Variants in PHACTR1 observed in about 807,000 individuals in gnomAD.
PHACTR1 encodes the protein phosphatase and actin regulator 1, also known as RPEL repeat containing 1.
In PHACTR1, 16 loss-of-function variants were observed where a neutral mutation model predicts 69.2. That is an observed-to-expected ratio of 0.23 (90% CI 0.16 to 0.35). PHACTR1 has a LOEUF of 0.35. Among genes scored for constraint, PHACTR1 ranks in the 10% least tolerant of loss-of-function variants. The probability of loss-of-function intolerance (pLI) is 1.00; values close to 1 mark genes in which losing one functional copy is unlikely to be tolerated. For synonymous variants in PHACTR1, 312 were observed against 284.5 expected, an observed-to-expected ratio of 1.10 and a Z score of -0.97; for missense variants, 510 against 734.7, an observed-to-expected ratio of 0.69 and a Z score of 3.54.
intron 3 of PHACTR1, among the ~76,000 whole-genome samples, chr6:12,744,155 T>G (rs1765464969): frequency 6.9e-6 from 1 of 144,500 alleles, no homozygotes. Flanking sequence ...ACAAGTACTG[T>G]GTAGACAAGG....
At chr6:12,718,632 G>A (rs1761698443) in intron 2 of PHACTR1, 67 bp from the exon 3 acceptor site, 4 of 431,492 alleles carry the variant, frequency 9.3e-6, no homozygotes, top group Non-Finnish European at 1.6e-5. Context: ...ACATTTTAAA[G>A]TACATCTATA....
At chr6:13,146,730 C>T (rs760127214) in intron 5 of PHACTR1, among the ~76,000 whole-genome samples, 33 of 152,230 alleles carry the variant, frequency 2.2e-4, no homozygotes, top group African/African-American at 6.0e-4. Flanking sequence ...TATCATAAAG[C>T]GATCAATAAT....
chr6:12,805,675 A>G (rs1774234279), intron 4 of PHACTR1, among the ~76,000 whole-genome samples: 1 of 150,570 alleles, frequency 6.6e-6, no homozygotes, highest in Admixed American at 6.7e-5. Context: ...ATCTCGGCTC[A>G]CTGCAACCTC....
chr6:12,775,012 C>T (rs1769874012), intron 4 of PHACTR1, among the ~76,000 whole-genome samples: 1 of 152,114 alleles, frequency 6.6e-6, no homozygotes, highest in Non-Finnish European at 1.5e-5. Context: ...TGTGAAGTGT[C>T]CAGGGGATGA....
At position 12,878,463 on chromosome 6, in the gene PHACTR1, C is replaced by G. The variant is rs373730567; in HGVS notation, c.250+128673C>G. On this transcript the variant is annotated intron_variant, in intron 4 of 14. Transcript: ENST00000332995. ...TTGAAATTGAGTATTTCTTAGGTCA[C>G]AGAACCAAGTGACTGTAGAGTCAGA... is the stretch of plus-strand genomic sequence containing the variant. 5.9e-5 allele frequency among the ~76,000 whole-genome samples: 9 copies of G among 152,316 alleles called. No homozygotes were observed. In the East Asian group the frequency reaches 1.3e-3, roughly 23 times the overall value.
At chr6:13,284,073 AGTTT>A in intron 13 of PHACTR1, among the ~76,000 whole-genome samples, 1 of 152,338 alleles carries the variant, frequency 6.6e-6, no homozygotes, top group East Asian at 1.9e-4. Flanking sequence ...TCTGAGGTTC[AGTTT>A]GTTTTTTAGG....
At chr6:13,255,692 T>A (rs1426193112) in intron 10 of PHACTR1, among the ~76,000 whole-genome samples, 1 of 152,234 alleles carries the variant, frequency 6.6e-6, no homozygotes, top group East Asian at 1.9e-4. Flanking sequence ...AGTCATTAAA[T>A]CTTAATGCTC....
chr6:12,732,985 C>T (rs1008594821), intron 3 of PHACTR1, among the ~76,000 whole-genome samples: 1 of 152,224 alleles, frequency 6.6e-6, no homozygotes, highest in African/African-American at 2.4e-5. Context: ...ATCAGCCCAT[C>T]TGTAGACACA....
At chr6:12,842,223 G>A (rs1360979094) in intron 4 of PHACTR1, among the ~76,000 whole-genome samples, 1 of 152,136 alleles carries the variant, frequency 6.6e-6, no homozygotes, top group Non-Finnish European at 1.5e-5. Context: ...TGAGTAATTT[G>A]CATTATTCAG....
intron 10 of PHACTR1, among the ~76,000 whole-genome samples, chr6:13,238,222 T>C (rs977061588): frequency 2.6e-5 from 4 of 151,940 alleles, no homozygotes; most frequent in Admixed American, 6.5e-5. Flanking sequence ...GTGACGCTGA[T>C]AGCTTCAATC....
At chr6:13,210,753 T>C (rs934329878) in intron 8 of PHACTR1, among the ~76,000 whole-genome samples, 3 of 152,110 alleles carry the variant, frequency 2.0e-5, no homozygotes, top group African/African-American at 7.2e-5. Context: ...AGTAAGCAAA[T>C]GGTATTGAAC....
intron 4 of PHACTR1, among the ~76,000 whole-genome samples, chr6:12,845,766 T>C (rs1365683424): frequency 6.6e-6 from 1 of 152,180 alleles, no homozygotes; most frequent in African/African-American, 2.4e-5. Flanking sequence ...CAATGTACGT[T>C]ATCTTATTCC....
At chr6:12,797,274 T>C (rs1773144456) in intron 4 of PHACTR1, among the ~76,000 whole-genome samples, 1 of 152,116 alleles carries the variant, frequency 6.6e-6, no homozygotes, top group South Asian at 2.1e-4. Flanking sequence ...AGGGAAAAGA[T>C]TCTATAACAA....
chr6:12,943,105 A>G (rs1790221514), intron 4 of PHACTR1, among the ~76,000 whole-genome samples: 1 of 152,266 alleles, frequency 6.6e-6, no homozygotes, highest in South Asian at 2.1e-4. Context: ...GCCAAAAGGT[A>G]GAAACACCCA....
At chr6:12,783,559 A>G (rs1405353516) in intron 4 of PHACTR1, among the ~76,000 whole-genome samples, 1 of 152,150 alleles carries the variant, frequency 6.6e-6, no homozygotes, top group East Asian at 1.9e-4. Flanking sequence ...CCAAATTAGC[A>G]GTTTTCAGCC....
At chr6:13,177,172 T>TAAAAAAAAAAAAAAAAAAAAAAAAAAA (rs530741132) in intron 6 of PHACTR1, among the ~76,000 whole-genome samples, 1 of 63,376 alleles carries the variant, frequency 1.6e-5, no homozygotes, top group African/African-American at 1.0e-4. Flanking sequence ...ACCCCATCTC[T>TAAAAAAAAAAAAAAAAAAAAAAAAAAA]AAAAAAAAAA....
At chr6:12,752,196 G>A (rs1766704918) in intron 4 of PHACTR1, among the ~76,000 whole-genome samples, 1 of 152,194 alleles carries the variant, frequency 6.6e-6, no homozygotes, top group Non-Finnish European at 1.5e-5. Context: ...TCCACTCACA[G>A]ATGTGCCTTT....
At chr6:13,233,683 G>C (rs1771572407) in intron 10 of PHACTR1, among the ~76,000 whole-genome samples, 1 of 152,148 alleles carries the variant, frequency 6.6e-6, no homozygotes, top group African/African-American at 2.4e-5. Context: ...ACCTCCACCT[G>C]GTCCTGCCCT....
chr6:12,984,916 A>G (rs1582830718), intron 4 of PHACTR1, among the ~76,000 whole-genome samples: 2 of 152,328 alleles, frequency 1.3e-5, no homozygotes, highest in East Asian at 3.9e-4. Flanking sequence ...TAAGAACAAA[A>G]TCTGAGCAAG....
Sources: gnomAD v4.1 joint callset for allele counts (sites outside exome capture counted in the v4.1 genomes callset) on GRCh38, gnomAD v4.1.1 for gene constraint, MANE v1.5 for transcripts, NCBI Gene and HGNC (gene_info 2026-07-23, HGNC 2026-07-21) for gene names.